The following TEX11 variants were observed in gnomAD, a reference collection of about 807,000 sequenced individuals.
TEX11 encodes the protein testis-expressed protein 11.
Under a neutral mutation model 84.4 loss-of-function variants are expected in TEX11, and 7 were observed. The observed-to-expected ratio is 0.08, with a 90% CI of 0.05 to 0.16. TEX11 has a LOEUF of 0.16. Ranked by LOEUF, TEX11 falls within the 10% of genes least tolerant of loss-of-function variation. TEX11 has a pLI of 1.00. For missense variants in TEX11, 551 were observed against 660.5 expected (o/e 0.83, Z 1.82); for synonymous variants, 264 against 222.8 (o/e 1.18, Z -1.64).
At chrX:70,562,268 T>C (rs1383091460) in intron 25 of TEX11, among the ~76,000 whole-genome samples, 1 of 111,562 alleles carries the variant, frequency 9.0e-6, no homozygotes, top group Non-Finnish European at 1.9e-5. Flanking sequence ...GGCTCTTATC[T>C]TTTTTTTAAT....
rs764252789 is a variant in TEX11 at position 70,740,765 on chromosome X, T to C, written c.779A>G (p.Tyr260Cys). The C allele has an allele frequency of 1.7e-6, 2 of 1,191,735 alleles. No individual in the cohort carries two copies. The highest frequency in any genetic ancestry group is 3.8e-5 in the South Asian group (2 of 53,181). The change falls in exon 11 of 30, where the codon TAT becomes TGT. Residue 260 changes from tyrosine to cysteine, a missense_variant. Tyr to Cys is a radical substitution (Grantham distance 194). Transcript: ENST00000374333. ...AKVLRLLATN[Y>C]LDWDDTKYYD... ...ATATTTGGTGTCATCCCAATCCAAATAATTCGTGGCTAATAGCCGTAGAAC... is the reference window on the plus strand; with the variant it reads ...ATATTTGGTGTCATCCCAATCCAAACAATTCGTGGCTAATAGCCGTAGAAC...
At chrX:70,523,811 T>G in the TEX11 span, among the ~76,000 whole-genome samples, 1 of 106,479 alleles carries the variant, frequency 9.4e-6, no homozygotes, top group Non-Finnish European at 1.9e-5. Flanking sequence ...TTCACAAGCT[T>G]TAGACAAGAA....
chrX:70,730,288 A>G (rs1385431140), intron 11 of TEX11, among the ~76,000 whole-genome samples: 1 of 111,983 alleles, frequency 8.9e-6, no homozygotes. Context: ...ACAGGATCAA[A>G]TTCACGCATA....
chrX:70,817,981 T>C (rs2091298258), intron 8 of TEX11, among the ~76,000 whole-genome samples: 2 of 110,494 alleles, frequency 1.8e-5, no homozygotes, highest in Non-Finnish European at 3.8e-5. Context: ...AAAGCAATGA[T>C]TTAACAACTA....
intron 9 of TEX11, among the ~76,000 whole-genome samples, chrX:70,766,057 C>G (rs1031962040): frequency 1.8e-5 from 2 of 111,822 alleles, no homozygotes; most frequent in South Asian, 7.5e-4. Flanking sequence ...AATTAAACAT[C>G]TATGAATTAA....
At chrX:70,907,921 G>A in intron 1 of TEX11, 111 bp from the exon 2 acceptor site, 1 of 533,579 alleles carries the variant, frequency 1.9e-6, no homozygotes, top group Admixed American at 3.5e-5. Flanking sequence ...AGAAAAAAAG[G>A]CTGAGTAAAG....
chrX:70,709,640 C>G (rs755851193), intron 13 of TEX11, among the ~76,000 whole-genome samples: 12 of 111,182 alleles, frequency 1.1e-4, no homozygotes, highest in Non-Finnish European at 2.1e-4. Context: ...TTTCTCTGAA[C>G]AGAACTTTTC....
At chrX:70,798,853 A>G (rs947436900) in intron 9 of TEX11, among the ~76,000 whole-genome samples, 1 of 112,080 alleles carries the variant, frequency 8.9e-6, no homozygotes, top group African/African-American at 3.2e-5. Context: ...AAAATGGATT[A>G]CAGACTTAAA....
intron 13 of TEX11, among the ~76,000 whole-genome samples, chrX:70,714,470 G>T (rs2090475837): frequency 1.8e-5 from 2 of 111,470 alleles, no homozygotes; most frequent in Non-Finnish European, 3.8e-5. Context: ...ATGAATCTGG[G>T]TGCTCCTGTA....
At chrX:70,823,968 C>T (rs1184738689) in intron 8 of TEX11, among the ~76,000 whole-genome samples, 2 of 111,064 alleles carry the variant, frequency 1.8e-5, no homozygotes, top group African/African-American at 3.3e-5. Context: ...TACAGTGAGC[C>T]GAGATCATGC....
At chrX:70,604,933 T>C (rs2089178361) in intron 24 of TEX11, among the ~76,000 whole-genome samples, 1 of 111,276 alleles carries the variant, frequency 9.0e-6, no homozygotes, top group African/African-American at 3.3e-5. Flanking sequence ...TTCTGTCTTG[T>C]AGAAATTAAG....
intron 11 of TEX11, among the ~76,000 whole-genome samples, chrX:70,731,388 A>G (rs1187133405): frequency 4.5e-5 from 5 of 111,064 alleles, no homozygotes; most frequent in Non-Finnish European, 7.6e-5. Flanking sequence ...AAAGATCAAC[A>G]AAATTGATAG....
intron 9 of TEX11, among the ~76,000 whole-genome samples, chrX:70,771,555 C>A (rs1476366245): frequency 9.0e-6 from 1 of 111,399 alleles, no homozygotes; most frequent in Non-Finnish European, 1.9e-5. Flanking sequence ...TTAAAAAAAA[C>A]TCCTTAAATC....
intron 2 of TEX11, among the ~76,000 whole-genome samples, chrX:70,897,848 T>C: frequency 9.0e-6 from 1 of 111,702 alleles, no homozygotes; most frequent in Non-Finnish European, 1.9e-5. Flanking sequence ...CATACATGCA[T>C]CAATGAACCA....
At chrX:70,690,961 T>C (rs1162962019) in intron 13 of TEX11, among the ~76,000 whole-genome samples, 1 of 111,101 alleles carries the variant, frequency 9.0e-6, no homozygotes, top group Non-Finnish European at 1.9e-5. Context: ...ATATCTAAAA[T>C]TGTAAGGAAC....
At chrX:70,774,397 A>T (rs1257732822) in intron 9 of TEX11, among the ~76,000 whole-genome samples, 1 of 111,091 alleles carries the variant, frequency 9.0e-6, no homozygotes, top group Non-Finnish European at 1.9e-5. Context: ...GGCAAAAGAA[A>T]AAAATAAAAG....
intron 7 of TEX11, among the ~76,000 whole-genome samples, chrX:70,846,961 A>G (rs1268644133): frequency 9.0e-6 from 1 of 111,489 alleles, no homozygotes; most frequent in African/African-American, 3.2e-5. Context: ...TGATGCCCCA[A>G]TTTTGGAGGT....
intron 17 of TEX11, among the ~76,000 whole-genome samples, chrX:70,641,984 G>GT (rs1224609189): frequency 9.1e-6 from 1 of 110,491 alleles, no homozygotes; most frequent in Non-Finnish European, 1.9e-5. Context: ...CCAGGAGCTG[G>GT]TTTTTTGAAA....
At chrX:70,765,415 C>G (rs2147772965) in intron 9 of TEX11, among the ~76,000 whole-genome samples, 1 of 111,298 alleles carries the variant, frequency 9.0e-6, no homozygotes, top group Non-Finnish European at 1.9e-5. Flanking sequence ...AACAACAAGC[C>G]CAATATATTA....
Sources: gnomAD v4.1 joint callset for allele counts (sites outside exome capture counted in the v4.1 genomes callset) on GRCh38, gnomAD v4.1.1 for gene constraint, MANE v1.5 for transcripts, NCBI Gene and HGNC (gene_info 2026-07-23, HGNC 2026-07-21) for gene names.